CAPZB: variants seen among roughly 807,000 people sequenced by gnomAD.
CAPZB encodes the protein F-actin-capping protein subunit beta.
CAPZB carries 2 observed loss-of-function variants against 38.1 expected under a neutral mutation model. The ratio of observed to expected loss-of-function variants is 0.05; its 90% CI spans 0.02 to 0.17. The LOEUF (loss-of-function observed/expected upper bound fraction) is 0.17, where lower values mean the gene tolerates loss of function less well. Ranked by LOEUF, CAPZB falls within the 10% of genes least tolerant of loss-of-function variation. The pLI is 1.00. For missense variants in CAPZB, 161 were observed against 334.2 expected (o/e 0.48, Z 4.04); for synonymous variants, 107 against 127.4 (o/e 0.84, Z 1.08).
intron 6 of CAPZB, among the ~76,000 whole-genome samples, chr1:19,355,427 A>G (rs894299345): frequency 1.3e-5 from 2 of 150,902 alleles, no homozygotes; most frequent in Non-Finnish European, 3.0e-5. Context: ...CCCGGGAGGC[A>G]GAGATTGCAG....
intron 7 of CAPZB, among the ~76,000 whole-genome samples, chr1:19,344,655 A>T (rs2093951143): frequency 6.6e-6 from 1 of 152,222 alleles, no homozygotes; most frequent in South Asian, 2.1e-4. Flanking sequence ...GGAGGAAGCC[A>T]GTACCCAGGG....
intron 1 of CAPZB, among the ~76,000 whole-genome samples, chr1:19,444,132 G>A (rs12084499): frequency 0.019 from 2,838 of 152,034 alleles, 88 homozygotes; most frequent in African/African-American, 0.064. Context: ...CACTCCAGCC[G>A]GGGCAACAGA....
chr1:19,394,193 T>C (rs1570112745), intron 2 of CAPZB, among the ~76,000 whole-genome samples: 1 of 151,808 alleles, frequency 6.6e-6, no homozygotes, highest in East Asian at 1.9e-4. Context: ...AGAGATGGGG[T>C]TTCACCATGT....
At chr1:19,390,677 T>A (rs1349690410) in intron 2 of CAPZB, among the ~76,000 whole-genome samples, 7 of 151,446 alleles carry the variant, frequency 4.6e-5, no homozygotes, top group African/African-American at 1.7e-4. Context: ...AGGAGGCCAC[T>A]GGAAAGACGG....
chr1:19,343,006 G>A (rs1199938235), intron 8 of CAPZB: 1 of 664,770 alleles, frequency 1.5e-6, no homozygotes, highest in Non-Finnish European at 2.7e-6. Context: ...CTGGGGTGTG[G>A]AGTGGTATCG....
At chr1:19,367,429 C>T (rs934051964) in intron 4 of CAPZB, among the ~76,000 whole-genome samples, 1 of 152,160 alleles carries the variant, frequency 6.6e-6, no homozygotes, top group Admixed American at 6.5e-5. Context: ...TGGAAGTGTC[C>T]GTCAGAAACA....
At chr1:19,347,371 T>C (rs902518703) in intron 6 of CAPZB, among the ~76,000 whole-genome samples, 2 of 152,106 alleles carry the variant, frequency 1.3e-5, no homozygotes, top group Non-Finnish European at 2.9e-5. Context: ...ACTACTTAAA[T>C]AGGGTCGCAT....
chr1:19,401,367 G>A (rs1413935582), intron 2 of CAPZB, among the ~76,000 whole-genome samples: 3 of 152,116 alleles, frequency 2.0e-5, no homozygotes, highest in Non-Finnish European at 4.4e-5. Flanking sequence ...CTTTAATTAG[G>A]GAAAGCTTTG....
chr1:19,353,097 G>A (rs2100294483), intron 6 of CAPZB, among the ~76,000 whole-genome samples: 1 of 152,378 alleles, frequency 6.6e-6, no homozygotes, highest in East Asian at 1.9e-4. Context: ...GGGAAGGGCA[G>A]CTGCCGCTGC....
chr1:19,470,063 T>C (rs564123994), intron 1 of CAPZB, among the ~76,000 whole-genome samples: 2 of 151,910 alleles, frequency 1.3e-5, no homozygotes, highest in Non-Finnish European at 2.9e-5. Context: ...CTACAAAAAA[T>C]ACAAAAATTG....
At chr1:19,461,909 T>C (rs2094553048) in intron 1 of CAPZB, among the ~76,000 whole-genome samples, 1 of 152,226 alleles carries the variant, frequency 6.6e-6, no homozygotes, top group South Asian at 2.1e-4. Flanking sequence ...AGATGATGCA[T>C]TGACTTAATG....
intron 1 of CAPZB, among the ~76,000 whole-genome samples, chr1:19,447,923 T>C (rs2094502069): frequency 6.6e-6 from 1 of 152,126 alleles, no homozygotes; most frequent in Non-Finnish European, 1.5e-5. Flanking sequence ...TCAATGTTGC[T>C]CTCTAATCAC....
In CAPZB at chr1:19,373,886, G is replaced by C. The variant is rs550931918; in HGVS notation, c.329+4654C>G. Among the ~76,000 whole-genome samples, 8 of 151,976 alleles carry C rather than the reference G, an allele frequency of 5.3e-5. No homozygotes were observed. In the South Asian group the frequency reaches 1.5e-3, roughly 28 times the overall value. On this transcript the variant is annotated intron_variant, in intron 4 of 8. Transcript: ENST00000264202. ...TATATTTTATTTTTTGGAGGTACAG[G>C]GTCTTGCTATGTCGCCCAGGCTGGT...
chr1:19,349,249 T>C (rs1247168558), intron 6 of CAPZB, among the ~76,000 whole-genome samples: 1 of 152,160 alleles, frequency 6.6e-6, no homozygotes, highest in Non-Finnish European at 1.5e-5. Flanking sequence ...CCCCGGGGAC[T>C]GTGTGTTCTC....
intron 2 of CAPZB, among the ~76,000 whole-genome samples, chr1:19,409,535 C>T (rs1227166789): frequency 6.6e-6 from 1 of 152,128 alleles, no homozygotes; most frequent in Non-Finnish European, 1.5e-5. Context: ...CAAAGTATTC[C>T]TACTTCTCCT....
At chr1:19,404,232 CAAAAAAA>C (rs35225006) in intron 2 of CAPZB, among the ~76,000 whole-genome samples, 1 of 62,424 alleles carries the variant, frequency 1.6e-5, no homozygotes. Flanking sequence ...GACTCCATCT[CAAAAAAA>C]AAAAAAAAAA....
chr1:19,468,662 A>G (rs1385987734), intron 1 of CAPZB, among the ~76,000 whole-genome samples: 1 of 152,188 alleles, frequency 6.6e-6, no homozygotes, highest in Non-Finnish European at 1.5e-5. Flanking sequence ...CTTCCTTCTC[A>G]GCATGGCCCT....
chr1:19,381,845 A>G (rs1022422849), intron 3 of CAPZB, among the ~76,000 whole-genome samples: 2 of 152,098 alleles, frequency 1.3e-5, no homozygotes, highest in Admixed American at 6.6e-5. Context: ...AAAAACACCA[A>G]ATCAACAAAA....
chr1:19,376,146 A>T (rs1307408049), intron 4 of CAPZB, among the ~76,000 whole-genome samples: 3 of 152,110 alleles, frequency 2.0e-5, no homozygotes, highest in Non-Finnish European at 4.4e-5. Context: ...AATCAGAATC[A>T]CCCCCACCTC....
Sources: allele counts gnomAD v4.1 joint callset (sites outside exome capture counted in the v4.1 genomes callset), GRCh38; gene constraint gnomAD v4.1.1; transcripts MANE v1.5; gene names NCBI Gene and HGNC (gene_info 2026-07-23, HGNC 2026-07-21).